The following ARHGAP24 variants were observed in gnomAD, a reference collection of about 807,000 sequenced individuals.
ARHGAP24 encodes the protein rho GTPase-activating protein 24.
Under a neutral mutation model 76.4 loss-of-function variants are expected in ARHGAP24, and 50 were observed. That is an observed-to-expected ratio of 0.65 (90% CI 0.52 to 0.83). The LOEUF is 0.83. Ranked by LOEUF, ARHGAP24 falls within the 40% of genes least tolerant of loss-of-function variation. ARHGAP24 has a pLI of 0.00. For missense variants in ARHGAP24, 930 were observed against 914.2 expected (o/e 1.02, Z -0.22); for synonymous variants, 345 against 323.3 (o/e 1.07, Z -0.72).
intron 8 of ARHGAP24, among the ~76,000 whole-genome samples, chr4:85,984,972 C>T (rs1198654959): frequency 6.6e-6 from 1 of 151,954 alleles, no homozygotes; most frequent in Admixed American, 6.6e-5. Context: ...TAGGCACCTG[C>T]GACCACACCC....
chr4:85,573,441 A>G (rs926035430), intron 2 of ARHGAP24, among the ~76,000 whole-genome samples: 2 of 152,178 alleles, frequency 1.3e-5, no homozygotes, highest in South Asian at 2.1e-4. Flanking sequence ...TGTTAATAGC[A>G]TATTTTTGAA....
At chr4:85,823,813 T>G (rs560019885) in intron 3 of ARHGAP24, among the ~76,000 whole-genome samples, 57 of 152,168 alleles carry the variant, frequency 3.7e-4, no homozygotes, top group African/African-American at 5.5e-4. Context: ...CTTCCTTCCT[T>G]CCTGCCTTTC....
At chr4:85,787,253 G>T (rs1727886380) in intron 3 of ARHGAP24, among the ~76,000 whole-genome samples, 1 of 152,188 alleles carries the variant, frequency 6.6e-6, no homozygotes, top group Non-Finnish European at 1.5e-5. Flanking sequence ...CCAGGCCTTT[G>T]CTCTCCATAT....
At chr4:85,703,683 T>C (rs1214788797) in intron 2 of ARHGAP24, among the ~76,000 whole-genome samples, 1 of 152,140 alleles carries the variant, frequency 6.6e-6, no homozygotes, top group Non-Finnish European at 1.5e-5. Context: ...GATATTGAAC[T>C]TCTCAACCTC....
At chr4:85,626,204 G>A (rs1262659328) in intron 2 of ARHGAP24, among the ~76,000 whole-genome samples, 1 of 152,216 alleles carries the variant, frequency 6.6e-6, no homozygotes, top group Non-Finnish European at 1.5e-5. Flanking sequence ...TGCAGTGGCT[G>A]TTACTGGTTT....
intron 1 of ARHGAP24, among the ~76,000 whole-genome samples, chr4:85,520,190 A>G (rs969787333): frequency 3.3e-5 from 5 of 152,284 alleles, no homozygotes; most frequent in African/African-American, 1.2e-4. Flanking sequence ...GGGAAAGCAT[A>G]TAAAATTTAT....
intron 2 of ARHGAP24, among the ~76,000 whole-genome samples, chr4:85,610,515 T>C (rs1468221517): frequency 1.4e-5 from 2 of 140,658 alleles, no homozygotes; most frequent in East Asian, 3.9e-4. Context: ...ATGAATACAT[T>C]TTAATAGATT....
chr4:85,612,820 A>C (rs1159133000), intron 2 of ARHGAP24, among the ~76,000 whole-genome samples: 2 of 63,130 alleles, frequency 3.2e-5, no homozygotes, highest in Non-Finnish European at 5.9e-5. Context: ...TTTTTGTGGC[A>C]ATCTCGCTGT....
At chr4:85,944,981 G>T (rs996667552) in intron 5 of ARHGAP24, among the ~76,000 whole-genome samples, 2 of 152,092 alleles carry the variant, frequency 1.3e-5, no homozygotes, top group African/African-American at 4.8e-5. Context: ...CTGAGTAGCT[G>T]GGCTACAGGC....
intron 5 of ARHGAP24, among the ~76,000 whole-genome samples, chr4:85,960,290 A>G (rs536610056): frequency 1.3e-5 from 2 of 152,296 alleles, no homozygotes; most frequent in Admixed American, 1.3e-4. Context: ...GATTCTTTTG[A>G]TAATCCGTGT....
At chr4:85,982,921 C>T (rs1052279584) in intron 8 of ARHGAP24, among the ~76,000 whole-genome samples, 10 of 151,938 alleles carry the variant, frequency 6.6e-5, no homozygotes, top group African/African-American at 2.2e-4. Flanking sequence ...GTTTTCCCTT[C>T]CCCCCCTTCT....
chr4:85,558,859 TGTAAAATATTTTCTTTG>T (rs1270913109), intron 1 of ARHGAP24, among the ~76,000 whole-genome samples: 1 of 152,230 alleles, frequency 6.6e-6, no homozygotes, highest in African/African-American at 2.4e-5. Flanking sequence ...GTTACCCACT[TGTAAAATATTTTCTTTG>T]AAGTGTAGTT....
chr4:85,934,207 A>G (rs1239116649), intron 4 of ARHGAP24, among the ~76,000 whole-genome samples: 1 of 152,162 alleles, frequency 6.6e-6, no homozygotes, highest in Admixed American at 6.5e-5. Flanking sequence ...ATGATCCCCT[A>G]TTGCTCACAG....
intron 1 of ARHGAP24, among the ~76,000 whole-genome samples, chr4:85,558,644 T>C (rs1266520237): frequency 6.6e-6 from 1 of 152,108 alleles, no homozygotes; most frequent in Non-Finnish European, 1.5e-5. Flanking sequence ...AGAGCAACTG[T>C]GGTTTAGTGA....
chr4:85,867,884 A>ATATAAAC (rs1321879518), intron 3 of ARHGAP24, among the ~76,000 whole-genome samples: 1 of 90,772 alleles, frequency 1.1e-5, no homozygotes, highest in South Asian at 5.0e-4. Flanking sequence ...AAACATATAT[A>ATATAAAC]ATGTGTGTGT....
chr4:85,676,614 C>T (rs181478753), intron 2 of ARHGAP24, among the ~76,000 whole-genome samples: 272 of 152,106 alleles, frequency 1.8e-3, no homozygotes, highest in Non-Finnish European at 2.6e-3. Flanking sequence ...CTATTGTTAC[C>T]AATGGTCCTT....
At chr4:85,722,871 C>T (rs1175946527) in intron 3 of ARHGAP24, among the ~76,000 whole-genome samples, 1 of 152,042 alleles carries the variant, frequency 6.6e-6, no homozygotes, top group Non-Finnish European at 1.5e-5. Flanking sequence ...ATGTATTTTT[C>T]CTATATTTAT....
chr4:85,937,196 G>C (rs1421769239), intron 4 of ARHGAP24, among the ~76,000 whole-genome samples: 1 of 152,192 alleles, frequency 6.6e-6, no homozygotes, highest in Non-Finnish European at 1.5e-5. Context: ...ATCTAATGCA[G>C]TGGTAAGGAG....
chr4:85,833,264 T>C (rs1028012428), intron 3 of ARHGAP24, among the ~76,000 whole-genome samples: 1 of 152,210 alleles, frequency 6.6e-6, no homozygotes, highest in African/African-American at 2.4e-5. Flanking sequence ...GCTGGCCCTT[T>C]GAAGTTGCTA....
Sources: allele counts gnomAD v4.1 joint callset (sites outside exome capture counted in the v4.1 genomes callset), GRCh38; gene constraint gnomAD v4.1.1; transcripts MANE v1.5; gene names NCBI Gene and HGNC (gene_info 2026-07-23, HGNC 2026-07-21).